IDI1: variants seen among roughly 807,000 people sequenced by gnomAD.
The protein encoded by IDI1 is isopentenyl-diphosphate delta isomerase 1.
Under a neutral mutation model 32.9 loss-of-function variants are expected in IDI1, and 23 were observed. That is an observed-to-expected ratio of 0.70 (90% CI 0.50 to 0.99). The LOEUF is 0.99. Ranked by LOEUF, IDI1 falls within the 50% of genes least tolerant of loss-of-function variation. IDI1 has a pLI of 0.00. For synonymous variants in IDI1, 133 were observed against 128.2 expected (o/e 1.04, Z -0.25); for missense variants, 326 against 351.9 (o/e 0.93, Z 0.59).
chr10:1,050,187 CAT>C (rs1176053012), upstream of IDI1, among the ~76,000 whole-genome samples: 1 of 151,834 alleles, frequency 6.6e-6, no homozygotes, highest in East Asian at 2.0e-4. Flanking sequence ...AGAAATTAAA[CAT>C]ATTAAAATAT....
intron 1 of IDI1, among the ~76,000 whole-genome samples, chr10:1,046,042 T>G (rs1301304823): frequency 6.6e-6 from 1 of 152,226 alleles, no homozygotes; most frequent in East Asian, 1.9e-4. Context: ...TTTAGAAAGA[T>G]TTCCAACTTC....
At chr10:1,043,737 G>C (rs1261522353) in intron 2 of IDI1, 2 of 658,624 alleles carry the variant, frequency 3.0e-6, no homozygotes, top group African/African-American at 3.5e-5. Context: ...CTAGGCTGCT[G>C]CTGTATGTCA....
At chr10:1,056,204 G>A in the IDI1 span, among the ~76,000 whole-genome samples, 2 of 152,210 alleles carry the variant, frequency 1.3e-5, no homozygotes, top group African/African-American at 2.4e-5. Flanking sequence ...GGCTTCAAAT[G>A]CGCGGTTAGC....
upstream of IDI1, among the ~76,000 whole-genome samples, chr10:1,051,001 A>G (rs1241835396): frequency 6.6e-6 from 1 of 152,178 alleles, no homozygotes; most frequent in African/African-American, 2.4e-5. Context: ...CGAGTGGTGG[A>G]TTTTCCAATT....
chr10:1,053,156 C>T (rs756693542), upstream of IDI1, among the ~76,000 whole-genome samples: 1 of 152,182 alleles, frequency 6.6e-6, no homozygotes, highest in Non-Finnish European at 1.5e-5. Flanking sequence ...CGTGTGCCAC[C>T]ACACCCAGTT....
rs753027660 is a variant in IDI1 at position 1,048,952 on chromosome 10, G to A, written c.52C>T (p.Arg18Trp). Residue 18 changes from arginine to tryptophan, a missense_variant, in exon 1 of 5, where the codon CGG (arginine) becomes TGG (tryptophan). Arg to Trp is a moderately radical substitution (Grantham distance 101). This residue lies in a region of IDI1 where 121 missense variants were observed against 78.4 expected (regional missense o/e 1.54). Transcript: ENST00000381344. ...GCGGCGCGCACCGCCCACTGGCCCC[G>A]CCCCCGGGCCGCGCAGCCAATCGCT... ...ARAIGCAARG[R>W]GQWAVRAADC... is the part of the protein sequence containing the mutation. The A allele has an allele frequency of 3.8e-6, 6 of 1,564,728 alleles. No individual in the cohort carries two copies. The highest frequency in any genetic ancestry group is 3.7e-5 in the Admixed American group (2 of 54,668).
chr10:1,056,306 C>T, the IDI1 span: 1 of 152,428 alleles, frequency 6.6e-6, no homozygotes, highest in South Asian at 2.1e-4. Context: ...GCCCAAGTCC[C>T]ACCTTTCGCA....
rs1832528935 is a variant in IDI1 at position 1,040,463 on chromosome 10, A to G, written c.*724T>C. ...TCTTACCGAGTGGGACTCAATTCCC[A>G]TTTTATGAACACCTCTGTGCTCACT... On this transcript the variant is annotated 3_prime_UTR_variant, in exon 5 of 5. Coordinates refer to ENST00000381344, the MANE Select transcript of IDI1 (RefSeq NM_004508.4). The G allele has an allele frequency of 6.6e-6, 1 of 152,280 alleles. No homozygotes were observed. Among genetic ancestry groups the G allele is most frequent in the Non-Finnish European group, 1.5e-5 (1 of 68,076 alleles). 9.4% of individuals were successfully genotyped at this position (152,280 alleles called of 1,614,324 possible).
chr10:1,051,935 C>T (rs1444475925), upstream of IDI1, among the ~76,000 whole-genome samples: 1 of 152,114 alleles, frequency 6.6e-6, no homozygotes, highest in African/African-American at 2.4e-5. Context: ...TGCAGTGGTG[C>T]GATCTTGGCT....
At chr10:1,051,052 C>G (rs1832998034), upstream of IDI1, among the ~76,000 whole-genome samples, 1 of 152,144 alleles carries the variant, frequency 6.6e-6, no homozygotes, top group African/African-American at 2.4e-5. Context: ...ACATTTTGTA[C>G]TTGTTACATT....
At chr10:1,056,397 C>G in the IDI1 span, 1 of 152,260 alleles carries the variant, frequency 6.6e-6, no homozygotes, top group Non-Finnish European at 1.5e-5. Context: ...TGCGGAGGAG[C>G]CGAACACTGA....
upstream of IDI1, chr10:1,049,598 G>A (rs959852923): frequency 6.5e-6 from 1 of 154,032 alleles, no homozygotes; most frequent in East Asian, 1.9e-4. Flanking sequence ...AGTCGCCGGG[G>A]GTGTGGGGTG....
chr10:1,048,477 C>T (rs1832870547), intron 1 of IDI1: 1 of 1,254,264 alleles, frequency 8.0e-7, no homozygotes, highest in African/African-American at 1.6e-5. Flanking sequence ...GTGTTTCTGA[C>T]GATGCTGTCT....
At position 1,041,355 on chromosome 10, in the gene IDI1, A is replaced by C; in HGVS notation, c.687T>G (p.Cys229Trp). The C allele has an allele frequency of 6.2e-7, 1 of 1,613,818 alleles. No individual in the cohort carries two copies. The highest frequency in any genetic ancestry group is 8.5e-7 in the Non-Finnish European group (1 of 1,179,812). ...NPDPNEIKSY[C>W]YVSKEELKEL... ...CTTTTAGTTCTTCCTTTGACACATA[A>C]CAATAGCTTTTAATCTCATTGGGAT... is the stretch of plus-strand genomic sequence containing the variant. Residue 229 changes from cysteine to tryptophan, a missense_variant, in exon 5 of 5, where the codon TGT becomes TGG. Physicochemically the swap from Cys to Trp is radical, Grantham distance 215. This residue lies in a region of IDI1 where 205 missense variants were observed against 273.5 expected (regional missense o/e 0.75). Transcript: ENST00000381344.
chr10:1,042,664 G>C lies in IDI1; in HGVS notation c.505C>G (p.Leu169Val), dbSNP rs754274098. Residue 169 changes from leucine (L) to valine (V), a missense_variant, in exon 4 of 5, where the codon CTG (leucine) becomes GTG (valine). Transcript: ENST00000381344. Reference sequence around the variant, plus strand: ...AAGGGAATTCCTAGCTCAGCTTTCAGCCGTCTCTGTGCTGCTCGCCTCACT... The same window carrying C: ...AAGGGAATTCCTAGCTCAGCTTTCACCCGTCTCTGTGCTGCTCGCCTCACT... ...LGVRRAAQRRLKAELGIPLEE... is the reference protein window; with the variant it reads ...LGVRRAAQRRVKAELGIPLEE... 6.8e-6 allele frequency: 11 copies of C among 1,614,024 alleles called. No individual in the cohort carries two copies. The highest frequency in any genetic ancestry group is 9.3e-6 in the Non-Finnish European group (11 of 1,179,942).
chr10:1,042,382 A>C (rs1267039407), intron 4 of IDI1, among the ~76,000 whole-genome samples: 1 of 152,192 alleles, frequency 6.6e-6, no homozygotes, highest in African/African-American at 2.4e-5. Context: ...GATTTGATCA[A>C]TTATAGAAAT....
intron 1 of IDI1, among the ~76,000 whole-genome samples, chr10:1,045,869 GTGT>G (rs1832791168): frequency 1.7e-3 from 15 of 8,970 alleles, no homozygotes; most frequent in African/African-American, 6.1e-3. Context: ...GGGTCTGGGT[GTGT>G]GTGTGTGTGT....
rs1411734009 is a variant in IDI1, at chr10:1,042,769, A to G, written c.407-7T>C. On this transcript the variant is annotated splice_polypyrimidine_tract_variant and splice_region_variant and intron_variant, in intron 3 of 4. Transcript: ENST00000381344. ...CACGTATTCGTAAAACAACCTGGAA[A>G]ATGGTAATACAGAGACAGATCAACT... The G allele has an allele frequency of 4.3e-6, 7 of 1,613,204 alleles. No individual in the cohort carries two copies. Among genetic ancestry groups the G allele is most frequent in the African/African-American group, 4.0e-5 (3 of 74,912 alleles).
At position 1,044,183 on chromosome 10, in the gene IDI1, G is replaced by A; in HGVS notation, c.141-12C>T. 1 of 1,586,758 alleles carries A rather than the reference G, an allele frequency of 6.3e-7. No homozygotes were observed. Among genetic ancestry groups the A allele is most frequent in the Non-Finnish European group, 8.6e-7 (1 of 1,165,408 alleles). ...TCTGTTCTAGAACACTAATATTAAA[G>A]GAAAAGAGAAAGAAAGGCCATCATA... On this transcript the variant is annotated splice_polypyrimidine_tract_variant and intron_variant, in intron 1 of 4. Coordinates refer to ENST00000381344, the MANE Select transcript of IDI1 (RefSeq NM_004508.4).
Sources: allele counts gnomAD v4.1 joint callset (sites outside exome capture counted in the v4.1 genomes callset), GRCh38; gene constraint gnomAD v4.1.1; regional missense constraint gnomAD v4.1.1; transcripts MANE v1.5; gene names NCBI Gene and HGNC (gene_info 2026-07-23, HGNC 2026-07-21).